The following LIMCH1 variants were observed in gnomAD, a reference collection of about 807,000 sequenced individuals.
LIMCH1 encodes the protein LIM and calponin homology domains-containing protein 1.
LIMCH1 carries 113 observed loss-of-function variants against 176.5 expected under a neutral mutation model. That is an observed-to-expected ratio of 0.64 (90% CI 0.55 to 0.75). The LOEUF (loss-of-function observed/expected upper bound fraction) is 0.75, where lower values mean the gene tolerates loss of function less well. Ranked by LOEUF, LIMCH1 falls within the 30% of genes least tolerant of loss-of-function variation. LIMCH1 has a pLI of 0.00. For missense variants in LIMCH1, 1,674 were observed against 1,814.9 expected (o/e 0.92, Z 1.41); for synonymous variants, 619 against 645.9 (o/e 0.96, Z 0.63).
chr4:41,435,136 G>A (rs985552382), intron 1 of LIMCH1, among the ~76,000 whole-genome samples: 3 of 152,122 alleles, frequency 2.0e-5, no homozygotes, highest in Admixed American at 2.0e-4. Context: ...CCTCATAAGA[G>A]GGGGACTGGA....
At chr4:41,434,420 G>A (rs987298016) in intron 1 of LIMCH1, among the ~76,000 whole-genome samples, 1 of 152,252 alleles carries the variant, frequency 6.6e-6, no homozygotes, top group Non-Finnish European at 1.5e-5. Flanking sequence ...AGGGCAGCTA[G>A]GATGTAGAGG....
At chr4:41,544,871 G>A (rs541124223) in intron 1 of LIMCH1, among the ~76,000 whole-genome samples, 38 of 152,276 alleles carry the variant, frequency 2.5e-4, no homozygotes, top group African/African-American at 8.9e-4. Context: ...TAGCTTTCAG[G>A]GACTCCCCAA....
Position 41,671,696 on chromosome 4 carries a change from C to T in LIMCH1, c.3438+102C>T, listed in dbSNP as rs967784288. 15 of 877,950 alleles carry T rather than the reference C, an allele frequency of 1.7e-5. No homozygotes were observed. In the Admixed American group the frequency reaches 2.6e-4, roughly 15 times the overall value. 54.4% of individuals were successfully genotyped at this position (877,950 alleles called of 1,614,324 possible). A position where few individuals can be genotyped will look rare whatever the true frequency, so the allele number is the denominator to read the frequency against. On this transcript the variant is annotated intron_variant, in intron 22 of 31. Transcript: ENST00000503057. ...TATTCAGGCCGGGTGCAGGCGGTGG[C>T]TCACGCCTGTAATCCCAACACTTTG...
rs965621988 is a variant in LIMCH1 at position 41,460,476 on chromosome 4, A to ATATATATATATC, written c.97-34057_97-34056insATATATATCTAT. Among the ~76,000 whole-genome samples the ATATATATATATC allele has an allele frequency of 2.9e-4, 41 of 142,586 alleles. No homozygotes were observed. The South Asian group carries it at 4.8e-3, about 17-fold the overall frequency. 93.5% of individuals were successfully genotyped at this position (142,586 alleles called of 152,430 possible). A position where few individuals can be genotyped will look rare whatever the true frequency, so the allele number is the denominator to read the frequency against. ...TAATCATCTATATATATATATATATATATCTTATAATATCATGTTATAGAT... is the reference window on the plus strand; with the variant it reads ...TAATCATCTATATATATATATATATATATATATATATCTATCTTATAATATCATGTTATAGAT... On this transcript the variant is annotated intron_variant, in intron 1 of 26. Transcript: ENST00000313860.
At chr4:41,480,845 C>G (rs2068480025) in intron 1 of LIMCH1, among the ~76,000 whole-genome samples, 1 of 152,154 alleles carries the variant, frequency 6.6e-6, no homozygotes, top group South Asian at 2.1e-4. Flanking sequence ...TGTGCAGCTT[C>G]TGTTCTTCCT....
chr4:41,438,071 C>T (rs1472475546), intron 1 of LIMCH1, among the ~76,000 whole-genome samples: 1 of 152,162 alleles, frequency 6.6e-6, no homozygotes, highest in Non-Finnish European at 1.5e-5. Flanking sequence ...AGCTGTTTTC[C>T]CCAATCAGCT....
chr4:41,500,162 C>T (rs997328888), intron 2 of LIMCH1, among the ~76,000 whole-genome samples: 3 of 152,094 alleles, frequency 2.0e-5, no homozygotes, highest in African/African-American at 7.2e-5. Flanking sequence ...TGTTAATATG[C>T]CTTTTCTATT....
chr4:41,540,869 A>T (rs1404275610), intron 1 of LIMCH1, among the ~76,000 whole-genome samples: 1 of 152,220 alleles, frequency 6.6e-6, no homozygotes, highest in African/African-American at 2.4e-5. Context: ...GCTGCAGTTG[A>T]CTTTCAAGGG....
At chr4:41,535,907 C>T (rs369201268), upstream of LIMCH1, among the ~76,000 whole-genome samples, 2 of 151,252 alleles carry the variant, frequency 1.3e-5, no homozygotes, top group Non-Finnish European at 2.9e-5. Flanking sequence ...TTCCTGTTCC[C>T]GAAAAAACAA....
At chr4:41,584,322 G>T (rs925491199) in intron 1 of LIMCH1, among the ~76,000 whole-genome samples, 3 of 152,090 alleles carry the variant, frequency 2.0e-5, no homozygotes, top group Non-Finnish European at 4.4e-5. Flanking sequence ...TTGAAAGTTG[G>T]GTTTTAGATG....
At chr4:41,531,473 G>C (rs1435031555) in intron 3 of LIMCH1, among the ~76,000 whole-genome samples, 23 of 42,156 alleles carry the variant, frequency 5.5e-4, no homozygotes, top group Middle Eastern at 0.014. Context: ...GTCTTTCTCT[G>C]TCACACACAC....
intron 18 of LIMCH1, among the ~76,000 whole-genome samples, chr4:41,651,066 G>A (rs534358316): frequency 6.7e-6 from 1 of 148,890 alleles, no homozygotes; most frequent in Non-Finnish European, 1.5e-5. Context: ...GAGTGTAATG[G>A]TGCGATCTTG....
intron 3 of LIMCH1, among the ~76,000 whole-genome samples, chr4:41,533,092 A>G (rs1249164358): frequency 6.6e-6 from 1 of 152,176 alleles, no homozygotes; most frequent in Non-Finnish European, 1.5e-5. Flanking sequence ...TGTACTTGCC[A>G]TGTGGGTCTT....
At chr4:41,580,210 T>C (rs528822116) in intron 1 of LIMCH1, among the ~76,000 whole-genome samples, 17 of 152,064 alleles carry the variant, frequency 1.1e-4, no homozygotes, top group African/African-American at 3.9e-4. Flanking sequence ...ATGGTCAGTG[T>C]ATAAAAATAG....
At position 41,462,188 on chromosome 4, in the gene LIMCH1, G is replaced by A. The variant is rs1477792245; in HGVS notation, c.97-32348G>A. On this transcript the variant is annotated intron_variant, in intron 1 of 26. Coordinates refer to the LIMCH1 transcript ENST00000313860. The stretch of plus-strand genomic sequence containing the variant: ...TCTGGTGTGGGGATACGATGGATTT[G>A]GGAGGGGGCAGTATGTTTGACATCT... 2.0e-5 allele frequency among the ~76,000 whole-genome samples: 3 copies of A among 152,324 alleles called. No homozygotes were observed. The East Asian group carries it at 5.8e-4, about 29-fold the overall frequency.
intron 1 of LIMCH1, among the ~76,000 whole-genome samples, chr4:41,474,070 C>T (rs906969726): frequency 1.3e-5 from 2 of 151,826 alleles, no homozygotes; most frequent in Non-Finnish European, 2.9e-5. Flanking sequence ...CCCAGCTACT[C>T]GGGAGGTTGA....
chr4:41,436,294 A>G lies in LIMCH1; in HGVS notation c.97-58242A>G, dbSNP rs147466568. 2.9e-3 allele frequency among the ~76,000 whole-genome samples: 440 copies of G among 152,076 alleles called. 2 individuals are homozygous for G. Among genetic ancestry groups the G allele is most frequent in the Non-Finnish European group, 4.9e-3 (334 of 68,008 alleles). ...TCCGCCTGTGTAGAGATGGCATGAC[A>G]TTTGTCTGAACATGAGTATACCTCC... On this transcript the variant is annotated intron_variant, in intron 1 of 26. Transcript: ENST00000313860.
At chr4:41,590,629 G>A (rs897529504) in intron 1 of LIMCH1, among the ~76,000 whole-genome samples, 1 of 152,060 alleles carries the variant, frequency 6.6e-6, no homozygotes, top group Non-Finnish European at 1.5e-5. Context: ...TCTGTGATCC[G>A]CTGTGCTTCT....
At chr4:41,425,878 T>C (rs2154133332) in intron 1 of LIMCH1, among the ~76,000 whole-genome samples, 2 of 152,290 alleles carry the variant, frequency 1.3e-5, no homozygotes, top group Admixed American at 1.3e-4. Context: ...CATGGCTGTC[T>C]TAGAGGACTT....
Sources: gnomAD v4.1 joint callset for allele counts (sites outside exome capture counted in the v4.1 genomes callset) on GRCh38, gnomAD v4.1.1 for gene constraint, MANE v1.5 for transcripts, NCBI Gene and HGNC (gene_info 2026-07-23, HGNC 2026-07-21) for gene names.